Variants in NAALADL2 observed in about 807,000 individuals in gnomAD.
NAALADL2 encodes N-acetylated alpha-linked acidic dipeptidase like 2, also known as inactive N-acetylated-alpha-linked acidic dipeptidase-like protein 2.
A neutral mutation model predicts 87.2 loss-of-function variants in NAALADL2; 76 were observed. The ratio of observed to expected loss-of-function variants is 0.87; its 90% CI spans 0.72 to 1.05. The LOEUF (loss-of-function observed/expected upper bound fraction) is 1.05. NAALADL2 is among the 50% of genes least tolerant of loss of function. NAALADL2 has a pLI of 0.00. For synonymous variants in NAALADL2, 354 were observed against 331.0 expected (o/e 1.07, Z -0.75); for missense variants, 1,089 against 945.8 (o/e 1.15, Z -1.99).
intron 1 of NAALADL2, among the ~76,000 whole-genome samples, chr3:175,077,795 G>T (rs1225946449): frequency 6.6e-6 from 1 of 151,938 alleles, no homozygotes; most frequent in Non-Finnish European, 1.5e-5. Context: ...GGTGTGCATG[G>T]TTCTTTTATT....
At chr3:175,501,510 G>A (rs867480160) in intron 9 of NAALADL2, among the ~76,000 whole-genome samples, 1 of 151,752 alleles carries the variant, frequency 6.6e-6, no homozygotes, top group African/African-American at 2.4e-5. Context: ...TGGAGGTTGG[G>A]TCAGCCCCAT....
chr3:175,528,609 A>G (rs1363580301), intron 9 of NAALADL2, among the ~76,000 whole-genome samples: 2 of 152,144 alleles, frequency 1.3e-5, no homozygotes, highest in African/African-American at 4.8e-5. Flanking sequence ...ACCCATAAAC[A>G]TCTCCTGAGA....
intron 10 of NAALADL2, among the ~76,000 whole-genome samples, chr3:175,625,091 T>G (rs1726795851): frequency 6.6e-6 from 1 of 152,028 alleles, no homozygotes; most frequent in African/African-American, 2.4e-5. Flanking sequence ...TAGATAGAAG[T>G]ACAGAAGTGC....
At chr3:175,050,043 G>T (rs1405413322) in intron 1 of NAALADL2, among the ~76,000 whole-genome samples, 1 of 152,040 alleles carries the variant, frequency 6.6e-6, no homozygotes, top group Non-Finnish European at 1.5e-5. Flanking sequence ...AAATTCCAAA[G>T]ATGTGCACGT....
intron 1 of NAALADL2, among the ~76,000 whole-genome samples, chr3:174,870,796 C>G (rs925890393): frequency 2.6e-5 from 4 of 152,088 alleles, no homozygotes; most frequent in Non-Finnish European, 4.4e-5. Context: ...AAATTACTGA[C>G]TTAAATTTTA....
At chr3:175,445,683 G>A (rs933980017) in intron 5 of NAALADL2, among the ~76,000 whole-genome samples, 7 of 151,994 alleles carry the variant, frequency 4.6e-5, no homozygotes, top group Non-Finnish European at 1.0e-4. Context: ...TTATGACTAT[G>A]TAAATATTAT....
intron 9 of NAALADL2, among the ~76,000 whole-genome samples, chr3:175,496,860 G>A (rs539998534): frequency 1.1e-4 from 16 of 151,992 alleles, no homozygotes; most frequent in African/African-American, 3.6e-4. Flanking sequence ...AGGCCTGGCT[G>A]ATAACACTAT....
intron 1 of NAALADL2, among the ~76,000 whole-genome samples, chr3:174,509,467 T>G (rs1306380115): frequency 1.3e-5 from 2 of 149,128 alleles, no homozygotes; most frequent in Non-Finnish European, 3.0e-5. Flanking sequence ...AGTGGCATGG[T>G]ATCTGCTCAC....
chr3:174,520,030 G>A (rs764191461), intron 1 of NAALADL2, among the ~76,000 whole-genome samples: 1 of 152,102 alleles, frequency 6.6e-6, no homozygotes, highest in Non-Finnish European at 1.5e-5. Flanking sequence ...TCTGTACAAG[G>A]AGAACTACAA....
intron 8 of NAALADL2, among the ~76,000 whole-genome samples, chr3:175,471,161 A>G (rs1025233676): frequency 6.6e-6 from 1 of 152,082 alleles, no homozygotes; most frequent in African/African-American, 2.4e-5. Context: ...CTTTGTGTAC[A>G]CTATTACATA....
intron 2 of NAALADL2, among the ~76,000 whole-genome samples, chr3:174,723,736 A>G (rs2108959277): frequency 7.5e-6 from 1 of 133,032 alleles, no homozygotes; most frequent in African/African-American, 2.7e-5. Flanking sequence ...AGCCTGGGTG[A>G]CAGAGCAAGA....
intron 8 of NAALADL2, among the ~76,000 whole-genome samples, chr3:175,469,371 C>G (rs79477592): frequency 6.6e-6 from 1 of 152,016 alleles, no homozygotes; most frequent in Non-Finnish European, 1.5e-5. Context: ...CTAATTTATG[C>G]TCTAAATATA....
intron 6 of NAALADL2, among the ~76,000 whole-genome samples, chr3:175,461,876 A>G (rs1404292896): frequency 2.0e-5 from 3 of 152,208 alleles, no homozygotes; most frequent in Admixed American, 6.5e-5. Context: ...TGCTATGACA[A>G]TCTTGAAAAG....
intron 2 of NAALADL2, among the ~76,000 whole-genome samples, chr3:174,678,093 A>T (rs1003426803): frequency 6.6e-6 from 1 of 152,128 alleles, no homozygotes; most frequent in Non-Finnish European, 1.5e-5. Context: ...AAAAAATTTT[A>T]GTGAGTAGGC....
rs544885185 is a variant in NAALADL2 at position 174,816,717 on chromosome 3, T to C, written c.-9+78971T>C. ...CAGGTATATTGGATTCCCAAACTCA[T>C]ATTCTTAACTACTATTTATTAAGTC... On this transcript the variant is annotated intron_variant, in intron 3 of 3. Coordinates refer to the NAALADL2 transcript ENST00000434257. Among the ~76,000 whole-genome samples, 6 of 152,186 alleles carry C rather than the reference T, an allele frequency of 3.9e-5. No individual in the cohort carries two copies. In the East Asian group the frequency reaches 1.2e-3, roughly 29 times the overall value.
chr3:175,284,786 A>G (rs1318752502), intron 4 of NAALADL2, among the ~76,000 whole-genome samples: 3 of 152,090 alleles, frequency 2.0e-5, no homozygotes, highest in African/African-American at 7.2e-5. Context: ...TTGTCCTTGT[A>G]TTTGAGAACA....
At chr3:174,853,675 A>G (rs1725522098) in intron 3 of NAALADL2, among the ~76,000 whole-genome samples, 1 of 152,138 alleles carries the variant, frequency 6.6e-6, no homozygotes, top group African/African-American at 2.4e-5. Context: ...AGCTCTAACA[A>G]CTGAATAGCA....
At chr3:175,238,207 C>G (rs951539006) in intron 3 of NAALADL2, among the ~76,000 whole-genome samples, 2 of 151,938 alleles carry the variant, frequency 1.3e-5, no homozygotes, top group African/African-American at 4.8e-5. Context: ...TCCAAATATG[C>G]ATAGTTCTAA....
At chr3:175,050,499 A>G (rs113259891) in intron 1 of NAALADL2, among the ~76,000 whole-genome samples, 22 of 152,020 alleles carry the variant, frequency 1.4e-4, no homozygotes, top group African/African-American at 4.3e-4. Flanking sequence ...ATTTATTTCA[A>G]TGTTTAATAT....
Sources: gnomAD v4.1 joint callset for allele counts (sites outside exome capture counted in the v4.1 genomes callset) on GRCh38, gnomAD v4.1.1 for gene constraint, MANE v1.5 for transcripts, NCBI Gene and HGNC (gene_info 2026-07-23, HGNC 2026-07-21) for gene names.